MGAT4D: variants seen among roughly 807,000 people sequenced by gnomAD.
The protein encoded by MGAT4D is alpha-1,3-mannosyl-glycoprotein 4-beta-N-acetylglucosaminyltransferase-like protein MGAT4D.
Under a neutral mutation model 15.9 loss-of-function variants are expected in MGAT4D, and 34 were observed. The observed-to-expected ratio is 2.14, with a 90% CI of 1.62 to 2.84. The LOEUF is 2.84. Among genes scored for constraint, MGAT4D ranks in the 30% most tolerant of loss-of-function variants. MGAT4D has a pLI of 0.00. For synonymous variants in MGAT4D, 112 were observed against 48.2 expected (o/e 2.33, Z -5.49); for missense variants, 327 against 140.2 (o/e 2.33, Z -6.73).
intron 1 of MGAT4D, among the ~76,000 whole-genome samples, chr4:140,491,602 A>G (rs955265418): frequency 4.6e-5 from 7 of 151,958 alleles, no homozygotes; most frequent in African/African-American, 1.7e-4. Flanking sequence ...ATTGCAGGTC[A>G]TCTACAAGAA....
rs904974754 is a variant in MGAT4D, at chr4:140,456,320, T to C, written c.1008+269A>G. Among the ~76,000 whole-genome samples, 3 of 152,206 alleles carry C rather than the reference T, an allele frequency of 2.0e-5. No homozygotes were observed. The East Asian group carries it at 5.8e-4, about 29-fold the overall frequency. On this transcript the variant is annotated intron_variant, in intron 9 of 10. Coordinates refer to ENST00000511113, the MANE Select transcript of MGAT4D (RefSeq NM_001277353.2). ...GTGTATTTTAATCATTTATATTTAATGTAAGTATTGGCATGTTTGAATTTA... is the reference window on the plus strand; with the variant it reads ...GTGTATTTTAATCATTTATATTTAACGTAAGTATTGGCATGTTTGAATTTA...
At chr4:140,497,625 C>T (rs967170465) in intron 1 of MGAT4D, among the ~76,000 whole-genome samples, 1 of 152,150 alleles carries the variant, frequency 6.6e-6, no homozygotes, top group Non-Finnish European at 1.5e-5. Context: ...ACGTCCCTCT[C>T]CTTTCTACCA....
At chr4:140,493,984 G>T (rs931797595) in intron 1 of MGAT4D, among the ~76,000 whole-genome samples, 3 of 152,224 alleles carry the variant, frequency 2.0e-5, no homozygotes, top group African/African-American at 7.2e-5. Context: ...AATGGAAGTG[G>T]CAGGCAAGTG....
chr4:140,495,209 C>T lies in MGAT4D; in HGVS notation c.94+2920G>A, dbSNP rs546160493. ...TTTTCCCTTTGTCTGAAATACTCTTCCCCCAGATATCCACACATGATGCTT... is the reference window on the plus strand; with the variant it reads ...TTTTCCCTTTGTCTGAAATACTCTTTCCCCAGATATCCACACATGATGCTT... On this transcript the variant is annotated intron_variant, in intron 1 of 10. Coordinates refer to ENST00000511113, the MANE Select transcript of MGAT4D (RefSeq NM_001277353.2). Among the ~76,000 whole-genome samples, 37 of 152,210 alleles carry T rather than the reference C, an allele frequency of 2.4e-4. 1 individual carries two copies. In the South Asian group the frequency reaches 5.6e-3, roughly 23 times the overall value.
At chr4:140,492,600 C>T (rs943751845) in intron 1 of MGAT4D, among the ~76,000 whole-genome samples, 1 of 151,220 alleles carries the variant, frequency 6.6e-6, no homozygotes, top group Non-Finnish European at 1.5e-5. Flanking sequence ...CGCCCTCTAG[C>T]CTGGATGACA....
chr4:140,473,795 C>T (rs1322964671), intron 4 of MGAT4D, among the ~76,000 whole-genome samples: 1 of 152,046 alleles, frequency 6.6e-6, no homozygotes, highest in Non-Finnish European at 1.5e-5. Flanking sequence ...ACCTCCTGGG[C>T]TCAAATGATC....
chr4:140,464,760 AGTTGGGT>A, intron 6 of MGAT4D, 129 bp downstream of exon 6: 1 of 604,376 alleles, frequency 1.7e-6, no homozygotes. Context: ...TGATGCACAT[AGTTGGGT>A]CTTGCAACCC....
intron 5 of MGAT4D, among the ~76,000 whole-genome samples, chr4:140,466,835 A>G (rs773584640): frequency 6.6e-6 from 1 of 152,138 alleles, no homozygotes; most frequent in Non-Finnish European, 1.5e-5. Context: ...AAGAAAGCTC[A>G]TGTTTTATAA....
At chr4:140,466,268 C>T (rs1464437158) in intron 5 of MGAT4D, among the ~76,000 whole-genome samples, 2 of 152,130 alleles carry the variant, frequency 1.3e-5, no homozygotes, top group African/African-American at 4.8e-5. Flanking sequence ...ACAAAGGGAA[C>T]TTAGTGAAGG....
At chr4:140,485,836 A>AAAAAAAAAAAAAAAAAAAAAAAAAAAAT (rs1733083298) in intron 1 of MGAT4D, among the ~76,000 whole-genome samples, 1 of 142,666 alleles carries the variant, frequency 7.0e-6, no homozygotes, top group Non-Finnish European at 1.5e-5. Context: ...AAAAAAAAAA[A>AAAAAAAAAAAAAAAAAAAAAAAAAAAAT]AAAAAAAAAA....
At chr4:140,449,615 C>T (rs1730345286) in intron 10 of MGAT4D, among the ~76,000 whole-genome samples, 1 of 152,044 alleles carries the variant, frequency 6.6e-6, no homozygotes, top group Non-Finnish European at 1.5e-5. Context: ...AAAAAGTTAG[C>T]CCGGCATGGT....
At chr4:140,467,017 A>C (rs1167862080) in intron 5 of MGAT4D, among the ~76,000 whole-genome samples, 1 of 152,096 alleles carries the variant, frequency 6.6e-6, no homozygotes, top group Non-Finnish European at 1.5e-5. Context: ...CTGGAATAGT[A>C]ACTTAAAAAC....
intron 1 of MGAT4D, among the ~76,000 whole-genome samples, chr4:140,488,293 A>G (rs1470922277): frequency 1.3e-5 from 2 of 152,202 alleles, no homozygotes; most frequent in Admixed American, 6.5e-5. Context: ...TGAGATTTCT[A>G]TTCTTCCATT....
rs868602640 is a variant in MGAT4D, at chr4:140,496,593, A to G, written c.94+1536T>C. Among the ~76,000 whole-genome samples the G allele has an allele frequency of 7.9e-5, 12 of 152,360 alleles. 1 individual carries two copies. In the South Asian group the frequency reaches 2.5e-3, roughly 32 times the overall value. The stretch of plus-strand genomic sequence containing the variant: ...TGTGGTGGCTCATGCCTGTAATCCC[A>G]GCACTTTGGGAGGCCTAGGTGGGTG... On this transcript the variant is annotated intron_variant, in intron 1 of 10. Coordinates refer to ENST00000511113, the MANE Select transcript of MGAT4D (RefSeq NM_001277353.2).
chr4:140,478,490 T>C (rs1490361569), intron 3 of MGAT4D, among the ~76,000 whole-genome samples: 2 of 152,258 alleles, frequency 1.3e-5, no homozygotes, highest in African/African-American at 4.8e-5. Flanking sequence ...CACATATGCA[T>C]GTATATGTAT....
At chr4:140,449,754 CT>C (rs1730354230) in intron 10 of MGAT4D, among the ~76,000 whole-genome samples, 1 of 50,506 alleles carries the variant, frequency 2.0e-5, no homozygotes, top group Non-Finnish European at 5.7e-5. Context: ...AGTGAGACTC[CT>C]TCTCAAAAAA....
At chr4:140,468,084 G>A (rs1731666356) in intron 5 of MGAT4D, among the ~76,000 whole-genome samples, 2 of 151,294 alleles carry the variant, frequency 1.3e-5, no homozygotes, top group Admixed American at 6.6e-5. Context: ...ATTTAATAGT[G>A]AATATTAAAA....
At chr4:140,462,061 G>T (rs1731224968) in intron 6 of MGAT4D, 57 bp from the exon 7 acceptor site, 1 of 663,394 alleles carries the variant, frequency 1.5e-6, no homozygotes, top group Non-Finnish European at 2.8e-6. Context: ...TTATTTATAA[G>T]CATACTTTAG....
intron 3 of MGAT4D, among the ~76,000 whole-genome samples, chr4:140,477,661 G>A (rs1448962973): frequency 6.6e-6 from 1 of 152,240 alleles, no homozygotes; most frequent in Non-Finnish European, 1.5e-5. Flanking sequence ...AGGCATGGCA[G>A]AGACTGAGAT....
Sources: gnomAD v4.1 joint callset for allele counts (sites outside exome capture counted in the v4.1 genomes callset) on GRCh38, gnomAD v4.1.1 for gene constraint, MANE v1.5 for transcripts, NCBI Gene and HGNC (gene_info 2026-07-23, HGNC 2026-07-21) for gene names.